DCDC1: variants seen among roughly 807,000 people sequenced by gnomAD.
DCDC1 encodes the protein doublecortin domain containing 1, also known as doublecortin domain-containing protein 1.
DCDC1 carries 200 observed loss-of-function variants against 178.3 expected under a neutral mutation model. The observed-to-expected ratio is 1.12, with a 90% CI of 1.00 to 1.26. DCDC1 has a LOEUF of 1.26. Among genes scored for constraint, DCDC1 ranks in the 50% most tolerant of loss-of-function variants. The pLI is 0.00. For synonymous variants in DCDC1, 690 were observed against 604.8 expected, an observed-to-expected ratio of 1.14 and a Z score of -2.07; for missense variants, 1,983 against 1,749.2, an observed-to-expected ratio of 1.13 and a Z score of -2.38.
rs569716029 is a variant in DCDC1 at position 31,343,466 on chromosome 11, C to A, written c.-124-7902G>T. ...AGATTACAGGTGTGCGCCACCATGCCTGGCTAATTTTTGTATTTTTAGTAG... is the reference window on the plus strand; with the variant it reads ...AGATTACAGGTGTGCGCCACCATGCATGGCTAATTTTTGTATTTTTAGTAG... On this transcript the variant is annotated intron_variant, in intron 1 of 38. Coordinates refer to ENST00000684477, the MANE Select transcript of DCDC1 (RefSeq NM_001387274.1). Among the ~76,000 whole-genome samples, 3 of 152,228 alleles carry A rather than the reference C, an allele frequency of 2.0e-5. No individual in the cohort carries two copies. In the South Asian group the frequency reaches 6.2e-4, roughly 32 times the overall value.
intron 34 of DCDC1, among the ~76,000 whole-genome samples, chr11:30,898,304 C>A (rs1040536809): frequency 2.6e-5 from 4 of 152,122 alleles, no homozygotes; most frequent in Admixed American, 2.0e-4. Flanking sequence ...GAATGGAAAC[C>A]GCTGTCAAGA....
chr11:31,020,477 TC>T (rs765409801), intron 20 of DCDC1, among the ~76,000 whole-genome samples: 22 of 152,152 alleles, frequency 1.4e-4, no homozygotes, highest in Non-Finnish European at 2.8e-4. Flanking sequence ...AGATCAACTC[TC>T]CCCCATCTCT....
intron 9 of DCDC1, among the ~76,000 whole-genome samples, chr11:31,195,555 G>A (rs1011876788): frequency 1.4e-4 from 21 of 151,930 alleles, no homozygotes; most frequent in African/African-American, 5.1e-4. Flanking sequence ...CTTACTCCTC[G>A]CTCATCCTTC....
Position 30,962,078 on chromosome 11 carries a change from T to C in DCDC1, c.2592-9510A>G, listed in dbSNP as rs189871767. Among the ~76,000 whole-genome samples, 198 of 152,180 alleles carry C rather than the reference T, an allele frequency of 1.3e-3. 2 individuals are homozygous for C. The highest frequency in any genetic ancestry group is 4.0e-3 in the African/African-American group (166 of 41,556). ...TTTATTTTGCAACTGACAATGAACA[T>C]TAAAGATAAATTAATATTTTATGTA... On this transcript the variant is annotated intron_variant, in intron 20 of 38. Transcript: ENST00000684477.
At chr11:30,984,820 C>G (rs1950561405) in intron 20 of DCDC1, among the ~76,000 whole-genome samples, 1 of 152,118 alleles carries the variant, frequency 6.6e-6, no homozygotes, top group South Asian at 2.1e-4. Flanking sequence ...ACAGGGGGAA[C>G]CGCTTCCACA....
chr11:31,366,726 A>G (rs1951977194), intron 1 of DCDC1, among the ~76,000 whole-genome samples: 1 of 152,214 alleles, frequency 6.6e-6, no homozygotes, highest in South Asian at 2.1e-4. Flanking sequence ...TTATTGTCAA[A>G]GAAGAAGGCT....
intron 9 of DCDC1, among the ~76,000 whole-genome samples, chr11:31,141,692 C>T (rs1963849019): frequency 6.6e-6 from 1 of 152,124 alleles, no homozygotes; most frequent in African/African-American, 2.4e-5. Flanking sequence ...TCCCAATGGT[C>T]TGCTAATATA....
chr11:31,227,847 G>T (rs1975207049), intron 9 of DCDC1, among the ~76,000 whole-genome samples: 1 of 151,778 alleles, frequency 6.6e-6, no homozygotes, highest in African/African-American at 2.4e-5. Flanking sequence ...AAAGAAAATT[G>T]GAGTAGCTTT....
At chr11:31,308,150 A>G (rs1948572682) in intron 3 of DCDC1, among the ~76,000 whole-genome samples, 1 of 152,212 alleles carries the variant, frequency 6.6e-6, no homozygotes, top group Admixed American at 6.5e-5. Flanking sequence ...ATAATCAATA[A>G]CTGACAGGAT....
intron 22 of DCDC1, among the ~76,000 whole-genome samples, chr11:30,927,972 T>C (rs1326143707): frequency 6.6e-6 from 1 of 152,112 alleles, no homozygotes; most frequent in East Asian, 1.9e-4. Flanking sequence ...TTCATAAACA[T>C]AATATACGTT....
At chr11:31,265,227 T>C (rs998969675) in intron 8 of DCDC1, among the ~76,000 whole-genome samples, 1 of 152,148 alleles carries the variant, frequency 6.6e-6, no homozygotes, top group African/African-American at 2.4e-5. Context: ...ATAAATTGGC[T>C]GTTACGTTAT....
In DCDC1 at chr11:31,132,820, G is replaced by A. The variant is rs970282541; in HGVS notation, c.1314+4872C>T. ...TTCATTCTCCGTGGAAATGCAGCAC[G>A]GAAGTGACACTTGTACAGAATTTGG... is the stretch of plus-strand genomic sequence containing the variant. On this transcript the variant is annotated intron_variant, in intron 10 of 38. Coordinates refer to ENST00000684477, the MANE Select transcript of DCDC1 (RefSeq NM_001387274.1). Among the ~76,000 whole-genome samples, 6 of 152,162 alleles carry A rather than the reference G, an allele frequency of 3.9e-5. No homozygotes were observed. The South Asian group carries it at 6.2e-4, about 16-fold the overall frequency.
intron 20 of DCDC1, among the ~76,000 whole-genome samples, chr11:30,954,582 T>C (rs1948656448): frequency 1.3e-5 from 2 of 152,222 alleles, no homozygotes; most frequent in South Asian, 4.1e-4. Context: ...AGATGTAAAA[T>C]TCCTAAATCA....
intron 1 of DCDC1, among the ~76,000 whole-genome samples, chr11:31,362,364 T>C (rs564600102): frequency 2.0e-5 from 3 of 152,206 alleles, no homozygotes; most frequent in Non-Finnish European, 4.4e-5. Context: ...TAAAAAAACA[T>C]ACAGTGTTTG....
chr11:31,252,695 T>A (rs1022289621), intron 8 of DCDC1, among the ~76,000 whole-genome samples: 1 of 152,008 alleles, frequency 6.6e-6, no homozygotes, highest in Non-Finnish European at 1.5e-5. Context: ...CTAGGGATAT[T>A]TAACCTCGAA....
chr11:31,057,854 C>T (rs189061948), intron 20 of DCDC1, among the ~76,000 whole-genome samples: 78 of 152,242 alleles, frequency 5.1e-4, no homozygotes, highest in Admixed American at 8.5e-4. Flanking sequence ...AAGCATATCA[C>T]CAGGGAGGAG....
chr11:30,911,992 T>C (rs914860712), intron 27 of DCDC1, among the ~76,000 whole-genome samples: 4 of 152,264 alleles, frequency 2.6e-5, no homozygotes, highest in African/African-American at 9.6e-5. Context: ...TAAGAGGTGA[T>C]TGGATCAAGA....
At chr11:31,274,123 T>C (rs866945798) in intron 7 of DCDC1, among the ~76,000 whole-genome samples, 1 of 152,160 alleles carries the variant, frequency 6.6e-6, no homozygotes, top group African/African-American at 2.4e-5. Flanking sequence ...CTATTTTTTC[T>C]CCTGCTTTCT....
At chr11:30,987,277 A>G (rs546331622) in intron 20 of DCDC1, among the ~76,000 whole-genome samples, 3 of 152,220 alleles carry the variant, frequency 2.0e-5, no homozygotes, top group East Asian at 3.9e-4. Context: ...TCAGCCTCCC[A>G]AAGTGCTGGG....
Sources: allele counts gnomAD v4.1 joint callset (sites outside exome capture counted in the v4.1 genomes callset), GRCh38; gene constraint gnomAD v4.1.1; transcripts MANE v1.5; gene names NCBI Gene and HGNC (gene_info 2026-07-23, HGNC 2026-07-21).